Variants in UGGT2 observed in about 807,000 individuals in gnomAD.
UGGT2 encodes the protein UDP-glucose:glycoprotein glucosyltransferase 2.
A neutral mutation model predicts 192.1 loss-of-function variants in UGGT2; 180 were observed. That is an observed-to-expected ratio of 0.94 (90% confidence interval 0.83 to 1.06). UGGT2 has a LOEUF of 1.06. Among genes scored for constraint, UGGT2 ranks in the 50% least tolerant of loss-of-function variants. The probability of loss-of-function intolerance (pLI) is 0.00; values close to 1 mark genes in which losing one functional copy is unlikely to be tolerated. For synonymous variants in UGGT2, 580 were observed against 591.0 expected, an observed-to-expected ratio of 0.98 and a Z score of 0.27; for missense variants, 1,849 against 1,795.7, an observed-to-expected ratio of 1.03 and a Z score of -0.54.
At chr13:95,808,489 TTTC>T (rs1243754343) in intron 38 of UGGT2, among the ~76,000 whole-genome samples, 10 of 152,124 alleles carry the variant, frequency 6.6e-5, no homozygotes, top group African/African-American at 1.7e-4. Context: ...CCTCAGTGAT[TTTC>T]TTTTTTTTTT....
At chr13:96,014,984 A>G (rs948720454) in intron 4 of UGGT2, among the ~76,000 whole-genome samples, 6 of 152,120 alleles carry the variant, frequency 3.9e-5, no homozygotes, top group Non-Finnish European at 2.9e-5. Context: ...CTACTGTTGA[A>G]AACTAGAAAG....
intron 26 of UGGT2, among the ~76,000 whole-genome samples, chr13:95,885,522 A>C (rs1056980881): frequency 6.6e-6 from 1 of 152,252 alleles, no homozygotes; most frequent in Non-Finnish European, 1.5e-5. Flanking sequence ...CAAAAGTCAC[A>C]GTCTTTCATA....
intron 36 of UGGT2, among the ~76,000 whole-genome samples, chr13:95,849,316 C>A (rs1289563975): frequency 6.6e-6 from 1 of 152,108 alleles, no homozygotes; most frequent in Non-Finnish European, 1.5e-5. Context: ...GCAGGCAGAT[C>A]ACGAGTTCAG....
At chr13:95,808,829 T>C (rs1275109897) in intron 38 of UGGT2, among the ~76,000 whole-genome samples, 3 of 152,198 alleles carry the variant, frequency 2.0e-5, no homozygotes, top group Non-Finnish European at 4.4e-5. Flanking sequence ...CAACTAAATA[T>C]GTTACAGAGT....
chr13:95,815,320 A>G (rs758200289), intron 38 of UGGT2, among the ~76,000 whole-genome samples: 2 of 152,232 alleles, frequency 1.3e-5, no homozygotes, highest in Admixed American at 6.5e-5. Flanking sequence ...CAATCCTGTG[A>G]ACTCTACAAC....
intron 38 of UGGT2, among the ~76,000 whole-genome samples, chr13:95,806,500 A>T (rs1258063147): frequency 6.6e-6 from 1 of 152,212 alleles, no homozygotes; most frequent in Non-Finnish European, 1.5e-5. Flanking sequence ...TGATCTACAT[A>T]TCTGATGCAA....
intron 36 of UGGT2, among the ~76,000 whole-genome samples, chr13:95,841,835 C>A (rs781670554): frequency 2.0e-4 from 30 of 152,114 alleles, no homozygotes; most frequent in Non-Finnish European, 3.8e-4. Context: ...ACATTTAAAT[C>A]TTTGATCCAT....
intron 29 of UGGT2, among the ~76,000 whole-genome samples, chr13:95,868,974 T>C (rs569960635): frequency 8.5e-5 from 13 of 152,080 alleles, no homozygotes; most frequent in South Asian, 6.2e-4. Flanking sequence ...CATGTTGGTG[T>C]GCTGCACCCA....
chr13:95,839,952 G>C (rs909805186), intron 36 of UGGT2, among the ~76,000 whole-genome samples: 1 of 152,066 alleles, frequency 6.6e-6, no homozygotes, highest in Admixed American at 6.5e-5. Context: ...TCAATGGCTA[G>C]TAAACACATA....
chr13:95,998,889 T>C (rs2051708641), intron 6 of UGGT2, among the ~76,000 whole-genome samples: 1 of 152,168 alleles, frequency 6.6e-6, no homozygotes, highest in Non-Finnish European at 1.5e-5. Context: ...CCTCTAGCAA[T>C]AATCAGCCTC....
intron 38 of UGGT2, among the ~76,000 whole-genome samples, chr13:95,813,771 G>T (rs2139750884): frequency 6.6e-6 from 1 of 152,266 alleles, no homozygotes; most frequent in East Asian, 1.9e-4. Context: ...CCCATTACAG[G>T]CCCAGAGACC....
chr13:95,905,118 C>T (rs1189467893), intron 20 of UGGT2, among the ~76,000 whole-genome samples: 1 of 152,020 alleles, frequency 6.6e-6, no homozygotes, highest in Non-Finnish European at 1.5e-5. Context: ...CTGTTCATGT[C>T]CTTCGCCCAC....
intron 12 of UGGT2, among the ~76,000 whole-genome samples, chr13:95,954,347 C>T (rs749157638): frequency 2.6e-5 from 4 of 152,170 alleles, no homozygotes; most frequent in Non-Finnish European, 5.9e-5. Context: ...GAAAAACTAG[C>T]TCAGGCCATG....
intron 38 of UGGT2, 67 bp downstream of exon 38, chr13:95,832,860 C>T: frequency 1.3e-6 from 2 of 1,575,420 alleles, no homozygotes; most frequent in South Asian, 1.1e-5. Context: ...AGAAATGAGT[C>T]TGTAGTCTAT....
intron 38 of UGGT2, among the ~76,000 whole-genome samples, chr13:95,830,719 GC>G (rs1231088368): frequency 6.6e-6 from 1 of 152,166 alleles, no homozygotes; most frequent in Non-Finnish European, 1.5e-5. Context: ...AGTCAGTGTG[GC>G]GATTCCTCAA....
intron 5 of UGGT2, among the ~76,000 whole-genome samples, chr13:96,002,061 G>A (rs4771923): frequency 0.4 from 60,039 of 151,992 alleles, 12,081 homozygotes; most frequent in Middle Eastern, 0.44. Flanking sequence ...TTAAGTTTTA[G>A]TGGAGTCCAA....
At chr13:95,976,380 T>C (rs1451218768) in intron 10 of UGGT2, among the ~76,000 whole-genome samples, 3 of 152,234 alleles carry the variant, frequency 2.0e-5, no homozygotes, top group African/African-American at 4.8e-5. Context: ...TTAATAAACA[T>C]GGCAGTGCAG....
At chr13:95,921,982 T>G (rs935739695) in intron 20 of UGGT2, among the ~76,000 whole-genome samples, 21 of 152,364 alleles carry the variant, frequency 1.4e-4, no homozygotes, top group Middle Eastern at 3.4e-3. Flanking sequence ...GCACTCATGT[T>G]TATCACAGTA....
intron 13 of UGGT2, among the ~76,000 whole-genome samples, 184 bp from the exon 14 acceptor site, chr13:95,948,265 TCA>T (rs1191690147): frequency 7.4e-6 from 1 of 134,478 alleles, no homozygotes; most frequent in Non-Finnish European, 1.7e-5. Context: ...ATAAAGGATT[TCA>T]CAATTTATGA....
Sources: gnomAD v4.1 joint callset for allele counts (sites outside exome capture counted in the v4.1 genomes callset) on GRCh38, gnomAD v4.1.1 for gene constraint, MANE v1.5 for transcripts, NCBI Gene and HGNC (gene_info 2026-07-23, HGNC 2026-07-21) for gene names.